KIAA0753: variants seen among roughly 807,000 people sequenced by gnomAD.
KIAA0753 encodes KIAA0753.
KIAA0753 carries 114 observed loss-of-function variants against 116.9 expected under a neutral mutation model. That is an observed-to-expected ratio of 0.98 (90% CI 0.84 to 1.14). KIAA0753 has a LOEUF of 1.14. Ranked by LOEUF, KIAA0753 falls within the 50% of genes most tolerant of loss-of-function variation. The probability of loss-of-function intolerance (pLI) is 0.00; values close to 1 mark genes in which losing one functional copy is unlikely to be tolerated. For missense variants in KIAA0753, 1,156 were observed against 1,172.4 expected (o/e 0.99, Z 0.20); for synonymous variants, 405 against 413.1 (o/e 0.98, Z 0.24).
chr17:6,607,033 T>G, intron 11 of KIAA0753, 71 bp from the exon 12 acceptor site: 2 of 1,497,022 alleles, frequency 1.3e-6, no homozygotes, highest in Non-Finnish European at 1.9e-6. Flanking sequence ...AGCTCCAGTC[T>G]TGGCTCCCCC....
At chr17:6,593,971 C>T (rs760104747) in intron 16 of KIAA0753, among the ~76,000 whole-genome samples, 1 of 152,122 alleles carries the variant, frequency 6.6e-6, no homozygotes, top group Non-Finnish European at 1.5e-5. Flanking sequence ...ACTGATGACA[C>T]CAAATGTTGG....
chr17:6,597,457 C>A (rs1969561054), intron 14 of KIAA0753, among the ~76,000 whole-genome samples: 1 of 152,016 alleles, frequency 6.6e-6, no homozygotes. Context: ...GGTCTCAATG[C>A]AATGATACAG....
At chr17:6,634,429 A>C (rs1972188581) in intron 2 of KIAA0753, among the ~76,000 whole-genome samples, 1 of 152,178 alleles carries the variant, frequency 6.6e-6, no homozygotes, top group East Asian at 1.9e-4. Flanking sequence ...TCTAATGTAC[A>C]ACATGCATAT....
chr17:6,623,084 G>A lies in KIAA0753; in HGVS notation c.902C>T (p.Ser301Phe). 6.2e-7 allele frequency: 1 copy of A among 1,613,214 alleles called. No homozygotes were observed. Among genetic ancestry groups the A allele is most frequent in the Non-Finnish European group, 8.5e-7 (1 of 1,179,820 alleles). ...IKHTKKSWAMSKLAAAHRGAI... is the reference protein window; with the variant it reads ...IKHTKKSWAMFKLAAAHRGAI... ...TCCTCGATGGGCAGCCGCCAGCTTAGACATTGCCCATGACTGGTAATAAAC... is the reference window on the plus strand; with the variant it reads ...TCCTCGATGGGCAGCCGCCAGCTTAAACATTGCCCATGACTGGTAATAAAC... Residue 301 changes from serine to phenylalanine, a missense_variant, in exon 6 of 19, where the codon TCT becomes TTT. By Grantham distance (155) the Ser-to-Phe change is radical. Transcript: ENST00000361413.
At chr17:6,637,294 G>A (rs1972388614) in intron 1 of KIAA0753, 1 of 152,218 alleles carries the variant, frequency 6.6e-6, no homozygotes, top group Non-Finnish European at 1.5e-5. Context: ...CCCGGCCTCG[G>A]GAATGGCTCC....
rs1408208543 is a variant in KIAA0753 at position 6,584,141 on chromosome 17, C to T, written c.2787-4277G>A. 2.6e-5 allele frequency among the ~76,000 whole-genome samples: 4 copies of T among 152,380 alleles called. No individual in the cohort carries two copies. The South Asian group carries it at 8.3e-4, about 32-fold the overall frequency. On this transcript the variant is annotated intron_variant, in intron 18 of 18. Transcript: ENST00000361413. ...AAAGTTCACCAGGACAATTCCCCCA[C>T]TTTAGCAACCCGTGAATTCCAGCCT...
intron 12 of KIAA0753, among the ~76,000 whole-genome samples, chr17:6,603,555 A>G (rs1323788494): frequency 6.6e-6 from 1 of 152,242 alleles, no homozygotes; most frequent in Non-Finnish European, 1.5e-5. Flanking sequence ...GTTAATTACA[A>G]CTAAGAATCC....
chr17:6,596,089 T>C (rs1349123399), intron 15 of KIAA0753, 69 bp downstream of exon 15: 3 of 1,445,400 alleles, frequency 2.1e-6, no homozygotes, highest in Admixed American at 1.9e-5. Context: ...TGCAGAGGCA[T>C]GAGGAGAAAT....
At chr17:6,581,023 A>T (rs1968143646) in intron 18 of KIAA0753, among the ~76,000 whole-genome samples, 1 of 152,186 alleles carries the variant, frequency 6.6e-6, no homozygotes, top group Non-Finnish European at 1.5e-5. Flanking sequence ...AATTATAACA[A>T]TTATAAAATT....
At chr17:6,622,736 AAG>A (rs1371369857) in intron 6 of KIAA0753, 144 bp downstream of exon 6, 6 of 679,188 alleles carry the variant, frequency 8.8e-6, no homozygotes, top group Non-Finnish European at 1.5e-5. Flanking sequence ...GCAAAACAAA[AAG>A]AAGTGTTTCT....
intron 8 of KIAA0753, among the ~76,000 whole-genome samples, chr17:6,610,506 TTTTC>T (rs1287798592): frequency 6.9e-6 from 1 of 145,364 alleles, no homozygotes; most frequent in Non-Finnish European, 1.5e-5. Flanking sequence ...TTCTTTTTTC[TTTTC>T]TTTCTCTTTT....
At chr17:6,612,194 A>T (rs1267918564) in intron 7 of KIAA0753, 46 bp from the exon 8 acceptor site, 1 of 1,397,004 alleles carries the variant, frequency 7.2e-7, no homozygotes, top group Non-Finnish European at 1.0e-6. Context: ...ATGCTATTCA[A>T]ATCAAATTGC....
At chr17:6,615,818 A>C (rs1409725557) in intron 7 of KIAA0753, among the ~76,000 whole-genome samples, 4 of 152,160 alleles carry the variant, frequency 2.6e-5, no homozygotes, top group Non-Finnish European at 5.9e-5. Context: ...ATTGCTGACA[A>C]GTTACACTAA....
intron 16 of KIAA0753, among the ~76,000 whole-genome samples, chr17:6,591,775 C>T (rs1044712412): frequency 2.0e-5 from 3 of 152,232 alleles, no homozygotes; most frequent in Admixed American, 6.5e-5. Flanking sequence ...TGCCCTCCAA[C>T]GTTTACCTCT....
intron 18 of KIAA0753, among the ~76,000 whole-genome samples, chr17:6,581,768 A>T (rs1243623487): frequency 1.3e-5 from 2 of 152,224 alleles, no homozygotes. Flanking sequence ...TCGATGCTTG[A>T]AAATGTCCTG....
Position 6,628,300 on chromosome 17 carries a change from G to C in KIAA0753, c.535C>G (p.His179Asp). Residue 179 changes from histidine to aspartate, a missense_variant, in exon 3 of 19, where the codon CAT becomes GAT. His to Asp is a moderately conservative substitution (Grantham distance 81). Transcript: ENST00000361413. ...SGAKVYLYSSHPGQSDLTVPN... is the reference protein window; with the variant it reads ...SGAKVYLYSSDPGQSDLTVPN... Reference sequence around the variant, plus strand: ...ACAGTAAGATCTGACTGGCCTGGATGAGATGAGTAAAGGTATACTTTGGCA... The same window carrying C: ...ACAGTAAGATCTGACTGGCCTGGATCAGATGAGTAAAGGTATACTTTGGCA... The C allele has an allele frequency of 6.2e-7, 1 of 1,614,192 alleles. No homozygotes were observed. Among genetic ancestry groups the C allele is most frequent in the South Asian group, 1.1e-5 (1 of 91,088 alleles).
intron 8 of KIAA0753, among the ~76,000 whole-genome samples, 173 bp downstream of exon 8, chr17:6,611,746 C>G (rs1278540927): frequency 1.3e-5 from 2 of 152,084 alleles, no homozygotes; most frequent in Non-Finnish European, 2.9e-5. Flanking sequence ...ATTCTAGTAA[C>G]AATATTAAAA....
intron 2 of KIAA0753, chr17:6,634,790 G>T: frequency 2.1e-6 from 1 of 474,250 alleles, no homozygotes; most frequent in Non-Finnish European, 3.8e-6. Flanking sequence ...TTTAGGAGAA[G>T]TATTCTCAAA....
intron 2 of KIAA0753, among the ~76,000 whole-genome samples, chr17:6,630,426 T>A (rs527610841): frequency 6.6e-6 from 1 of 151,718 alleles, no homozygotes; most frequent in African/African-American, 2.4e-5. Context: ...AATTTGGCAA[T>A]CGCTAACAAA....
Sources: gnomAD v4.1 joint callset for allele counts (sites outside exome capture counted in the v4.1 genomes callset) on GRCh38, gnomAD v4.1.1 for gene constraint, MANE v1.5 for transcripts, NCBI Gene and HGNC (gene_info 2026-07-23, HGNC 2026-07-21) for gene names.